SPAG16: variants seen among roughly 807,000 people sequenced by gnomAD.
The protein encoded by SPAG16 is sperm-associated antigen 16 protein.
In SPAG16, 86 loss-of-function variants were observed where a neutral mutation model predicts 80.4. That is an observed-to-expected ratio of 1.07 (90% CI 0.90 to 1.28). The LOEUF is 1.28. Ranked by LOEUF, SPAG16 falls within the 50% of genes most tolerant of loss-of-function variation. The probability of loss-of-function intolerance (pLI) is 0.00; values close to 1 mark genes in which losing one functional copy is unlikely to be tolerated. For synonymous variants in SPAG16, 294 were observed against 265.9 expected, an observed-to-expected ratio of 1.11 and a Z score of -1.03; for missense variants, 870 against 765.3, an observed-to-expected ratio of 1.14 and a Z score of -1.61.
At chr2:213,334,954 C>T (rs1468830993) in intron 5 of SPAG16, among the ~76,000 whole-genome samples, 1 of 152,026 alleles carries the variant, frequency 6.6e-6, no homozygotes, top group African/African-American at 2.4e-5. Context: ...AAGTAAAATT[C>T]GATTTTTTGT....
chr2:213,886,274 T>TTTTGAGAAAACGTC (rs2076549884), intron 11 of SPAG16, among the ~76,000 whole-genome samples: 1 of 152,082 alleles, frequency 6.6e-6, no homozygotes, highest in Non-Finnish European at 1.5e-5. Flanking sequence ...TGTGGTTGGC[T>TTTTGAGAAAACGTC]TTTGAGAAAA....
At chr2:214,230,589 G>A (rs1688622868) in intron 15 of SPAG16, among the ~76,000 whole-genome samples, 1 of 152,022 alleles carries the variant, frequency 6.6e-6, no homozygotes, top group South Asian at 2.1e-4. Flanking sequence ...ACAGTAGGTT[G>A]CTTTCAGAGT....
intron 15 of SPAG16, among the ~76,000 whole-genome samples, chr2:214,279,366 A>AT (rs1327638387): frequency 1.3e-5 from 2 of 152,266 alleles, no homozygotes; most frequent in South Asian, 2.1e-4. Context: ...AGAAACAAGC[A>AT]TTTTTTTAAA....
chr2:214,308,278 G>T (rs1183873981), intron 15 of SPAG16, among the ~76,000 whole-genome samples: 1 of 151,926 alleles, frequency 6.6e-6, no homozygotes, highest in Non-Finnish European at 1.5e-5. Context: ...AGCCTATTTG[G>T]GTCACTGCAT....
At chr2:213,368,855 A>G (rs533341401) in intron 8 of SPAG16, among the ~76,000 whole-genome samples, 1 of 152,304 alleles carries the variant, frequency 6.6e-6, no homozygotes, top group African/African-American at 2.4e-5. Context: ...CCAACTTACA[A>G]AGGATGTGAA....
Position 213,746,004 on chromosome 2 carries a change from C to A in SPAG16, c.1071-116481C>A, listed in dbSNP as rs543300954. On this transcript the variant is annotated intron_variant, in intron 10 of 15. Coordinates refer to ENST00000331683, the MANE Select transcript of SPAG16 (RefSeq NM_024532.5). ...TTATGCTAAGATCAGAATTACAGATCTTTCCTGGCTGAAATGAATGATCAA... is the reference window on the plus strand; with the variant it reads ...TTATGCTAAGATCAGAATTACAGATATTTCCTGGCTGAAATGAATGATCAA... Among the ~76,000 whole-genome samples the A allele has an allele frequency of 3.3e-5, 5 of 152,288 alleles. No individual in the cohort carries two copies. The South Asian group carries it at 6.2e-4, about 19-fold the overall frequency.
rs148049757 is a variant in SPAG16 at position 213,611,707 on chromosome 2, A to C, written c.1070+121617A>C. Reference sequence around the variant, plus strand: ...GAAACATATTTTTATCCACTTATACATATCAAGTTATTAGCTAATAAGCTA... The same window carrying C: ...GAAACATATTTTTATCCACTTATACCTATCAAGTTATTAGCTAATAAGCTA... On this transcript the variant is annotated intron_variant, in intron 10 of 15. Coordinates refer to ENST00000331683, the MANE Select transcript of SPAG16 (RefSeq NM_024532.5). Among the ~76,000 whole-genome samples the C allele has an allele frequency of 5.6e-3, 849 of 152,294 alleles. 13 individuals carry two copies. Among genetic ancestry groups the C allele is most frequent in the African/African-American group, 0.019 (796 of 41,570 alleles).
chr2:213,365,075 A>G (rs1471013085), intron 8 of SPAG16: 1 of 152,194 alleles, frequency 6.6e-6, no homozygotes, highest in African/African-American at 2.4e-5. Context: ...TAAGCCTAGG[A>G]TTTTAGGGTC....
At chr2:214,253,684 C>A (rs1430679662) in intron 15 of SPAG16, among the ~76,000 whole-genome samples, 2 of 152,074 alleles carry the variant, frequency 1.3e-5, no homozygotes, top group African/African-American at 4.8e-5. Flanking sequence ...GATACCAGTA[C>A]CGTGCTGTTT....
At chr2:214,317,871 G>A (rs1460006357) in intron 15 of SPAG16, among the ~76,000 whole-genome samples, 5 of 152,126 alleles carry the variant, frequency 3.3e-5, no homozygotes, top group Admixed American at 1.3e-4. Context: ...TGCCTAAACC[G>A]ATCGTGGTCT....
At chr2:214,317,285 T>G (rs780173918) in intron 15 of SPAG16, among the ~76,000 whole-genome samples, 2 of 152,220 alleles carry the variant, frequency 1.3e-5, no homozygotes, top group Non-Finnish European at 2.9e-5. Flanking sequence ...CCTAATGTTC[T>G]TTCCACTTCA....
chr2:214,376,291 C>T (rs528869995), intron 15 of SPAG16, among the ~76,000 whole-genome samples: 15 of 152,216 alleles, frequency 9.9e-5, no homozygotes, highest in Admixed American at 6.6e-4. Flanking sequence ...AAATCTAAAT[C>T]ACCTTTGAAT....
chr2:213,759,910 C>CTAT (rs1184981100), intron 10 of SPAG16, among the ~76,000 whole-genome samples: 2 of 152,000 alleles, frequency 1.3e-5, no homozygotes, highest in East Asian at 3.9e-4. Flanking sequence ...TGGCACATGC[C>CTAT]TATAGTCCCA....
chr2:213,845,901 A>G (rs544767462), intron 10 of SPAG16, among the ~76,000 whole-genome samples: 1 of 152,350 alleles, frequency 6.6e-6, no homozygotes, highest in African/African-American at 2.4e-5. Context: ...CTCAACCTCC[A>G]TCAGACTGGG....
chr2:213,474,383 T>C (rs1014990067), intron 9 of SPAG16, among the ~76,000 whole-genome samples: 2 of 152,208 alleles, frequency 1.3e-5, no homozygotes, highest in Non-Finnish European at 2.9e-5. Context: ...CAGTATCTGC[T>C]TCTGAAGTTG....
intron 10 of SPAG16, among the ~76,000 whole-genome samples, chr2:213,706,908 T>G (rs2065780915): frequency 6.6e-6 from 1 of 152,178 alleles, no homozygotes; most frequent in Admixed American, 6.5e-5. Context: ...AAGTTGCTGA[T>G]GACAAGTTGT....
At chr2:213,679,921 G>A (rs1027257646) in intron 10 of SPAG16, among the ~76,000 whole-genome samples, 1 of 152,110 alleles carries the variant, frequency 6.6e-6, no homozygotes, top group African/African-American at 2.4e-5. Context: ...TTTGGTGAGG[G>A]AGGGATTCTT....
chr2:213,497,806 A>G (rs534083501), intron 10 of SPAG16, among the ~76,000 whole-genome samples: 1 of 152,162 alleles, frequency 6.6e-6, no homozygotes, highest in East Asian at 1.9e-4. Context: ...AAGACATTCC[A>G]TTTTTACATA....
intron 15 of SPAG16, among the ~76,000 whole-genome samples, chr2:214,300,099 T>C (rs931624139): frequency 2.8e-4 from 43 of 152,164 alleles, no homozygotes; most frequent in African/African-American, 1.0e-3. Context: ...GAACAGATTT[T>C]TATTGAACTT....
Sources: allele counts gnomAD v4.1 joint callset (sites outside exome capture counted in the v4.1 genomes callset), GRCh38; gene constraint gnomAD v4.1.1; transcripts MANE v1.5; gene names NCBI Gene and HGNC (gene_info 2026-07-23, HGNC 2026-07-21).